The following EYS variants were observed in gnomAD, a reference collection of about 807,000 sequenced individuals.
The protein encoded by EYS is protein eyes shut homolog.
In EYS, 250 loss-of-function variants were observed where a neutral mutation model predicts 282.1. The ratio of observed to expected loss-of-function variants is 0.89; its 90% CI spans 0.80 to 0.98. EYS has a LOEUF of 0.98. Ranked by LOEUF, EYS falls within the 50% of genes least tolerant of loss-of-function variation. EYS has a pLI of 0.00. For synonymous variants in EYS, 1,355 were observed against 1,282.9 expected (o/e 1.06, Z -1.20); for missense variants, 4,016 against 3,709.0 (o/e 1.08, Z -2.15).
At chr6:64,493,242 A>T (rs1377931366) in intron 26 of EYS, among the ~76,000 whole-genome samples, 1 of 151,490 alleles carries the variant, frequency 6.6e-6, no homozygotes, top group African/African-American at 2.4e-5. Flanking sequence ...AACAAGAAGG[A>T]ATATAAAAAC....
chr6:64,254,138 C>T lies in EYS; in HGVS notation c.6192-23314G>A, dbSNP rs189223686. 6.6e-4 allele frequency among the ~76,000 whole-genome samples: 100 copies of T among 152,142 alleles called. 1 individual carries two copies. In the South Asian group the frequency reaches 0.011, roughly 17 times the overall value. On this transcript the variant is annotated intron_variant, in intron 30 of 42. Coordinates refer to ENST00000503581, the MANE Select transcript of EYS (RefSeq NM_001142800.2). Reference sequence around the variant, plus strand: ...AATTAAACAATTATTTGGCCTTTCTCGTGTAATACCCTCTTGCCTCACTGT... The same window carrying T: ...AATTAAACAATTATTTGGCCTTTCTTGTGTAATACCCTCTTGCCTCACTGT...
intron 26 of EYS, among the ~76,000 whole-genome samples, chr6:64,565,997 G>A (rs543993371): frequency 6.7e-6 from 1 of 149,282 alleles, no homozygotes; most frequent in African/African-American, 2.4e-5. Flanking sequence ...ACAAATTAGT[G>A]CAATATATAT....
At chr6:65,515,722 A>C (rs1767103413) in intron 2 of EYS, among the ~76,000 whole-genome samples, 1 of 144,682 alleles carries the variant, frequency 6.9e-6, no homozygotes, top group Admixed American at 7.3e-5. Context: ...ATTCTCACTC[A>C]TAGGTGGGAA....
chr6:65,607,139 T>C (rs1294807425), intron 2 of EYS, among the ~76,000 whole-genome samples: 1 of 151,848 alleles, frequency 6.6e-6, no homozygotes, highest in Admixed American at 6.6e-5. Context: ...TTAAATTCTC[T>C]CTCAACCACT....
intron 26 of EYS, among the ~76,000 whole-genome samples, chr6:64,466,755 A>G (rs1484937889): frequency 6.6e-6 from 1 of 152,150 alleles, no homozygotes; most frequent in African/African-American, 2.4e-5. Flanking sequence ...TGTTACTACC[A>G]CAAAAATTGA....
At chr6:65,655,929 A>G (rs1767805740) in intron 1 of EYS, among the ~76,000 whole-genome samples, 1 of 151,864 alleles carries the variant, frequency 6.6e-6, no homozygotes, top group Non-Finnish European at 1.5e-5. Context: ...TGAAAGAAGT[A>G]CATTGGTGTC....
intron 13 of EYS, among the ~76,000 whole-genome samples, chr6:64,999,236 A>C (rs566200684): frequency 6.6e-6 from 1 of 152,364 alleles, no homozygotes; most frequent in African/African-American, 2.4e-5. Context: ...AGATAGAAAA[A>C]AATTAAATAT....
intron 13 of EYS, among the ~76,000 whole-genome samples, chr6:65,049,086 T>C (rs1043918351): frequency 6.6e-5 from 10 of 151,890 alleles, no homozygotes; most frequent in Non-Finnish European, 1.3e-4. Context: ...ATAAATCATG[T>C]TGTAAATCTC....
intron 26 of EYS, among the ~76,000 whole-genome samples, chr6:64,585,101 A>C (rs1022509338): frequency 6.6e-6 from 1 of 152,140 alleles, no homozygotes; most frequent in African/African-American, 2.4e-5. Context: ...GACTGTATAA[A>C]AGGTGGTGCG....
intron 2 of EYS, among the ~76,000 whole-genome samples, chr6:65,610,845 C>A (rs993969150): frequency 6.6e-6 from 1 of 152,022 alleles, no homozygotes; most frequent in Admixed American, 6.6e-5. Flanking sequence ...CTCTGTGTAA[C>A]TGATTCTTTT....
intron 31 of EYS, among the ~76,000 whole-genome samples, chr6:64,213,177 A>T (rs1765831199): frequency 1.3e-5 from 2 of 152,138 alleles, no homozygotes; most frequent in South Asian, 4.1e-4. Flanking sequence ...TCATGACGCA[A>T]GTTTACCTAT....
chr6:65,271,527 A>G (rs1399117092), intron 12 of EYS, among the ~76,000 whole-genome samples: 2 of 151,948 alleles, frequency 1.3e-5, no homozygotes, highest in Non-Finnish European at 2.9e-5. Flanking sequence ...ACCCAGAAAT[A>G]ATGTTTAACC....
intron 2 of EYS, among the ~76,000 whole-genome samples, chr6:65,620,802 T>C (rs375632474): frequency 2.6e-5 from 4 of 152,198 alleles, no homozygotes; most frequent in South Asian, 2.1e-4. Flanking sequence ...GCCTTCATTT[T>C]GTTATGTACC....
At chr6:64,519,402 A>T (rs912794523) in intron 26 of EYS, among the ~76,000 whole-genome samples, 3 of 151,848 alleles carry the variant, frequency 2.0e-5, no homozygotes, top group Admixed American at 2.0e-4. Flanking sequence ...TAATTTGAGG[A>T]TACACAAAAC....
At chr6:65,048,465 T>C (rs997650555) in intron 13 of EYS, among the ~76,000 whole-genome samples, 33 of 151,890 alleles carry the variant, frequency 2.2e-4, no homozygotes, top group African/African-American at 7.0e-4. Flanking sequence ...CATCTTTGGC[T>C]TCTCATTGTG....
rs1415583022 is a variant in EYS at position 65,338,492 on chromosome 6, T to C, written c.1600-3346A>G. Among the ~76,000 whole-genome samples the C allele has an allele frequency of 3.3e-5, 5 of 151,076 alleles. No individual in the cohort carries two copies. The South Asian group carries it at 6.2e-4, about 19-fold the overall frequency. On this transcript the variant is annotated intron_variant, in intron 10 of 42. Transcript: ENST00000503581. ...TTCTATCAAAACATTACATCAAACA[T>C]GTTAACAAATTTTGGACTGAATAGG...
At chr6:65,447,639 T>C (rs975854023) in intron 5 of EYS, among the ~76,000 whole-genome samples, 1 of 151,922 alleles carries the variant, frequency 6.6e-6, no homozygotes, top group African/African-American at 2.4e-5. Context: ...AGAGTCTCCA[T>C]ATGTAAAGAT....
At chr6:63,730,346 T>C (rs1768751269) in intron 41 of EYS, among the ~76,000 whole-genome samples, 1 of 152,198 alleles carries the variant, frequency 6.6e-6, no homozygotes, top group South Asian at 2.1e-4. Context: ...AGAGAAACCT[T>C]TTGAAAACAT....
At position 64,591,143 on chromosome 6, in the gene EYS, A is replaced by C; in HGVS notation, c.4724T>G (p.Leu1575Trp). Residue 1575 changes from leucine to tryptophan, a missense_variant, in exon 26 of 43, where the codon TTG becomes TGG. Coordinates refer to ENST00000503581, the MANE Select transcript of EYS (RefSeq NM_001142800.2). ...ATAAAAGTGGGACTGTTTGCTATGCAAAACTTGATCTGAGAATTCACGAGA... is the reference window on the plus strand; with the variant it reads ...ATAAAAGTGGGACTGTTTGCTATGCCAAACTTGATCTGAGAATTCACGAGA... ...KSSREFSDQV[L>W]HSKQSHFYET... The C allele has an allele frequency of 1.3e-6, 2 of 1,551,356 alleles. No individual in the cohort carries two copies. The highest frequency in any genetic ancestry group is 8.7e-7 in the Non-Finnish European group (1 of 1,146,778).
Sources: allele counts gnomAD v4.1 joint callset (sites outside exome capture counted in the v4.1 genomes callset), GRCh38; gene constraint gnomAD v4.1.1; transcripts MANE v1.5; gene names NCBI Gene and HGNC (gene_info 2026-07-23, HGNC 2026-07-21).